Variants in CDKAL1 observed in about 807,000 individuals in gnomAD.
CDKAL1 encodes the protein CDKAL1 threonylcarbamoyladenosine tRNA methylthiotransferase.
A neutral mutation model predicts 68.2 loss-of-function variants in CDKAL1; 32 were observed. The observed-to-expected ratio is 0.47, with a 90% CI of 0.35 to 0.63. CDKAL1 has a LOEUF of 0.63. CDKAL1 is among the 30% of genes least tolerant of loss of function. CDKAL1 has a pLI of 0.00. For synonymous variants in CDKAL1, 234 were observed against 244.3 expected (o/e 0.96, Z 0.39); for missense variants, 606 against 696.7 (o/e 0.87, Z 1.47).
At chr6:20,762,213 A>T (rs771283744) in intron 7 of CDKAL1, among the ~76,000 whole-genome samples, 1 of 152,208 alleles carries the variant, frequency 6.6e-6, no homozygotes, top group Non-Finnish European at 1.5e-5. Flanking sequence ...TTAATCATGG[A>T]TAGCTCCTTA....
At chr6:20,735,671 C>T (rs1016740405) in intron 5 of CDKAL1, among the ~76,000 whole-genome samples, 4 of 152,104 alleles carry the variant, frequency 2.6e-5, no homozygotes, top group Non-Finnish European at 5.9e-5. Flanking sequence ...GTTCTTATTC[C>T]CTTAAAATAA....
At chr6:21,222,144 G>C (rs569873568) in intron 15 of CDKAL1, among the ~76,000 whole-genome samples, 3 of 152,186 alleles carry the variant, frequency 2.0e-5, no homozygotes, top group South Asian at 2.1e-4. Flanking sequence ...TTACTCTGCT[G>C]TCACCAAAAT....
At chr6:21,172,741 C>T (rs966210545) in intron 13 of CDKAL1, among the ~76,000 whole-genome samples, 1 of 152,090 alleles carries the variant, frequency 6.6e-6, no homozygotes, top group Non-Finnish European at 1.5e-5. Context: ...GGTGACAGAG[C>T]AAGACCCTGT....
chr6:21,066,866 T>A (rs1309515491), intron 12 of CDKAL1, among the ~76,000 whole-genome samples: 1 of 152,246 alleles, frequency 6.6e-6, no homozygotes, highest in African/African-American at 2.4e-5. Context: ...ACTCAAGCGA[T>A]CCTCCCATGT....
At chr6:21,207,648 G>C (rs532701029) in intron 15 of CDKAL1, among the ~76,000 whole-genome samples, 3 of 152,252 alleles carry the variant, frequency 2.0e-5, no homozygotes, top group Admixed American at 6.5e-5. Context: ...ATGATCTTGG[G>C]CAAGTTACTC....
chr6:20,846,984 A>G (rs1778399327), intron 9 of CDKAL1, among the ~76,000 whole-genome samples: 1 of 152,188 alleles, frequency 6.6e-6, no homozygotes, highest in East Asian at 1.9e-4. Context: ...TTGTCAAGTA[A>G]CTTGGAGTGC....
chr6:20,543,708 A>T (rs577954342), intron 2 of CDKAL1, among the ~76,000 whole-genome samples: 3 of 150,538 alleles, frequency 2.0e-5, no homozygotes, highest in African/African-American at 4.9e-5. Context: ...TTTTTTCTAA[A>T]AGTTTTATAA....
chr6:20,854,117 C>T (rs987946887), intron 9 of CDKAL1, among the ~76,000 whole-genome samples: 1 of 152,068 alleles, frequency 6.6e-6, no homozygotes, highest in Non-Finnish European at 1.5e-5. Context: ...AGATCCCCTC[C>T]TAGTTTAGGA....
intron 15 of CDKAL1, among the ~76,000 whole-genome samples, chr6:21,228,391 G>A (rs954030102): frequency 6.6e-6 from 1 of 152,118 alleles, no homozygotes; most frequent in African/African-American, 2.4e-5. Flanking sequence ...ACTTACAAAG[G>A]TTAAAGAACT....
At chr6:20,706,350 C>A (rs890372427) in intron 5 of CDKAL1, among the ~76,000 whole-genome samples, 9 of 152,146 alleles carry the variant, frequency 5.9e-5, no homozygotes, top group Non-Finnish European at 1.3e-4. Flanking sequence ...AGTCTAACTT[C>A]TTTTCTTTAC....
At chr6:20,867,833 G>C (rs4370355) in intron 9 of CDKAL1, among the ~76,000 whole-genome samples, 1 of 152,112 alleles carries the variant, frequency 6.6e-6, no homozygotes, top group South Asian at 2.1e-4. Flanking sequence ...ACTATCAAAA[G>C]CTTCATAATT....
Position 20,719,470 on chromosome 6 carries a change from A to G in CDKAL1, c.372-20049A>G, listed in dbSNP as rs79319672. 5.9e-3 allele frequency among the ~76,000 whole-genome samples: 896 copies of G among 152,292 alleles called. 9 individuals are homozygous for G. Among genetic ancestry groups the G allele is most frequent in the African/African-American group, 0.02 (835 of 41,554 alleles). On this transcript the variant is annotated intron_variant, in intron 5 of 15. Transcript: ENST00000274695. ...CAGCTAACTGTGACATAGTATTTAT[A>G]TGCCATGGGTTAAAACCACTTTCAT...
intron 9 of CDKAL1, among the ~76,000 whole-genome samples, chr6:20,930,340 C>T (rs1763382561): frequency 6.6e-6 from 1 of 151,590 alleles, no homozygotes; most frequent in South Asian, 2.1e-4. Flanking sequence ...TTTTTAAAGC[C>T]CTGCCAAGCT....
In CDKAL1 at chr6:20,983,098, CAT is replaced by C. The variant is rs1255889311; in HGVS notation, c.910-17128_910-17127del. Among the ~76,000 whole-genome samples the C allele has an allele frequency of 2.6e-5, 4 of 152,140 alleles. No individual in the cohort carries two copies. In the East Asian group the frequency reaches 5.8e-4, roughly 22 times the overall value. ...ATTTACGTTCCAATTAAAGAACTGA[CAT>C]GTGAAAACAATTTTACCAAGTGAAA... On this transcript the variant is annotated intron_variant, in intron 10 of 15. Transcript: ENST00000274695.
Position 20,756,915 on chromosome 6 carries a change from CCTTCCT to C in CDKAL1, c.469-1679_469-1674del, listed in dbSNP as rs1774230930. The C allele has an allele frequency of 2.9e-5, 3 of 104,260 alleles. No individual in the cohort carries two copies. The Admixed American group carries it at 3.1e-4, about 11-fold the overall frequency. 6.5% of individuals were successfully genotyped at this position (104,260 alleles called of 1,614,324 possible). A position where few individuals can be genotyped will look rare whatever the true frequency, so the allele number is the denominator to read the frequency against. ...TCCTTCCTTCCTTCCTTCCTTCCTT[CCTTCCT>C]TCCCTCCTTCCCTTCCTTCCCTCCT... On this transcript the variant is annotated intron_variant, in intron 6 of 15. Transcript: ENST00000274695.
intron 5 of CDKAL1, among the ~76,000 whole-genome samples, chr6:20,703,683 A>T (rs1317100777): frequency 6.6e-6 from 1 of 152,170 alleles, no homozygotes; most frequent in Non-Finnish European, 1.5e-5. Flanking sequence ...AGGTTATAAT[A>T]GTTAACAGGA....
intron 4 of CDKAL1, among the ~76,000 whole-genome samples, chr6:20,640,380 G>T (rs886873848): frequency 1.3e-5 from 2 of 152,196 alleles, no homozygotes; most frequent in African/African-American, 4.8e-5. Context: ...CCTGAATAGT[G>T]TTGATGTGAA....
chr6:21,173,534 A>C (rs1402087900), intron 13 of CDKAL1, among the ~76,000 whole-genome samples: 1 of 152,250 alleles, frequency 6.6e-6, no homozygotes, highest in Non-Finnish European at 1.5e-5. Flanking sequence ...ATTGATGAGA[A>C]GAGAAGCTTG....
At chr6:20,746,649 T>A (rs1581496387) in intron 6 of CDKAL1, among the ~76,000 whole-genome samples, 2 of 152,302 alleles carry the variant, frequency 1.3e-5, no homozygotes, top group South Asian at 4.1e-4. Flanking sequence ...TTCGTTATGG[T>A]AAAGGGGAAA....
Sources: allele counts gnomAD v4.1 joint callset (sites outside exome capture counted in the v4.1 genomes callset), GRCh38; gene constraint gnomAD v4.1.1; transcripts MANE v1.5; gene names NCBI Gene and HGNC (gene_info 2026-07-23, HGNC 2026-07-21).